The following ANGPT2 variants were observed in gnomAD, a reference collection of about 807,000 sequenced individuals.
ANGPT2 encodes angiopoietin 2, also known as angiopoietin-2.
ANGPT2 carries 28 observed loss-of-function variants against 62.9 expected under a neutral mutation model. The observed-to-expected ratio is 0.44, with a 90% CI of 0.33 to 0.61. The LOEUF (loss-of-function observed/expected upper bound fraction) is 0.61. ANGPT2 is among the 20% of genes least tolerant of loss of function. The pLI, the probability that ANGPT2 is intolerant of heterozygous loss-of-function variation, is 0.03. For missense variants in ANGPT2, 727 were observed against 594.9 expected (o/e 1.22, Z -2.31); for synonymous variants, 284 against 207.8 (o/e 1.37, Z -3.15).
At chr8:6,555,854 C>T (rs546089149) in intron 1 of ANGPT2, among the ~76,000 whole-genome samples, 107 of 152,320 alleles carry the variant, frequency 7.0e-4, no homozygotes, top group South Asian at 1.2e-3. Flanking sequence ...AATTTCTTAT[C>T]GTTCCTTTAC....
chr8:6,505,327 A>ATT (rs1253464973), intron 8 of ANGPT2, among the ~76,000 whole-genome samples: 1 of 56,846 alleles, frequency 1.8e-5, no homozygotes, highest in African/African-American at 9.8e-5. Context: ...TATGTTATAT[A>ATT]CATATAGAAA....
intron 2 of ANGPT2, 147 bp from the exon 3 acceptor site, chr8:6,527,823 C>T: frequency 2.6e-6 from 2 of 775,160 alleles, no homozygotes; most frequent in Non-Finnish European, 3.8e-6. Context: ...GCATATTTTT[C>T]ATTTTCAGAA....
chr8:6,500,903 T>G lies in ANGPT2; in HGVS notation c.*2198A>C, dbSNP rs752683795. ...GCCTACAAAGAGAATTGATATAAAT[T>G]GTGTTGTTGCCAGTTTTTCCTGCAT... On this transcript the variant is annotated 3_prime_UTR_variant, in exon 9 of 9. Transcript: ENST00000629816. 1.3e-5 allele frequency: 2 copies of G among 152,198 alleles called. No individual in the cohort carries two copies. The highest frequency in any genetic ancestry group is 2.9e-5 in the Non-Finnish European group (2 of 68,040). The allele number at this position is 152,198 out of a possible 1,614,324, so 9.4% of individuals were successfully genotyped here. A position where few individuals can be genotyped will look rare whatever the true frequency, so the allele number is the denominator to read the frequency against.
At chr8:6,556,721 C>G (rs1319104315) in intron 1 of ANGPT2, among the ~76,000 whole-genome samples, 1 of 152,042 alleles carries the variant, frequency 6.6e-6, no homozygotes, top group African/African-American at 2.4e-5. Flanking sequence ...TCAGGCAATC[C>G]TCCCACCTCA....
intron 1 of ANGPT2, among the ~76,000 whole-genome samples, chr8:6,547,209 A>G (rs1487242120): frequency 3.9e-5 from 6 of 152,044 alleles, no homozygotes; most frequent in African/African-American, 1.2e-4. Flanking sequence ...CCATTAGATT[A>G]TACAGAAAAG....
At chr8:6,535,219 C>G (rs1054136346) in intron 1 of ANGPT2, among the ~76,000 whole-genome samples, 2 of 152,196 alleles carry the variant, frequency 1.3e-5, no homozygotes, top group Non-Finnish European at 2.9e-5. Context: ...AATGAATCCT[C>G]TAATACTGCC....
In ANGPT2 at chr8:6,529,226, T is replaced by G. The variant is rs1868554; in HGVS notation, c.445-1550A>C. ...GACTGTAAATTACCCAGGCCAGGTATTGATCTCTCATTCCCTTTAAGATAT... is the reference window on the plus strand; with the variant it reads ...GACTGTAAATTACCCAGGCCAGGTAGTGATCTCTCATTCCCTTTAAGATAT... On this transcript the variant is annotated intron_variant, in intron 2 of 8. Transcript: ENST00000629816. Among the ~76,000 whole-genome samples, 8 of 152,078 alleles carry G rather than the reference T, an allele frequency of 5.3e-5. No homozygotes were observed. In the East Asian group the frequency reaches 1.5e-3, roughly 29 times the overall value.
At chr8:6,505,513 A>AAT (rs1360358891) in intron 8 of ANGPT2, among the ~76,000 whole-genome samples, 383 of 2,716 alleles carry the variant, frequency 0.14, 18 homozygotes, top group African/African-American at 0.25. Context: ...GTATATATAG[A>AAT]ATATATATTC....
At chr8:6,509,650 C>T (rs576927386) in intron 7 of ANGPT2, among the ~76,000 whole-genome samples, 5 of 152,198 alleles carry the variant, frequency 3.3e-5, no homozygotes, top group African/African-American at 7.2e-5. Context: ...AAGTTAGACA[C>T]TATTTACAAT....
intron 3 of ANGPT2, among the ~76,000 whole-genome samples, chr8:6,525,433 T>G (rs1165067738): frequency 3.3e-5 from 5 of 152,212 alleles, no homozygotes; most frequent in Non-Finnish European, 7.4e-5. Context: ...TCTCATTATA[T>G]TGCCCTGGCT....
At chr8:6,513,499 A>G (rs1266637501) in intron 7 of ANGPT2, among the ~76,000 whole-genome samples, 179 bp downstream of exon 7, 2 of 151,802 alleles carry the variant, frequency 1.3e-5, no homozygotes, top group East Asian at 3.9e-4. Flanking sequence ...CACCTGGCTA[A>G]TTTTTTTGTA....
chr8:6,549,140 C>T (rs989073278), intron 1 of ANGPT2, among the ~76,000 whole-genome samples: 4 of 152,142 alleles, frequency 2.6e-5, no homozygotes, highest in African/African-American at 7.2e-5. Context: ...TCAGAGATAG[C>T]AGTACAAGAA....
intron 1 of ANGPT2, among the ~76,000 whole-genome samples, chr8:6,562,410 G>GTAT (rs2129575879): frequency 6.6e-6 from 1 of 152,206 alleles, no homozygotes; most frequent in South Asian, 2.1e-4. Context: ...GAGATTTTCT[G>GTAT]TATTGACTCT....
At chr8:6,529,370 A>G (rs1230478459) in intron 2 of ANGPT2, among the ~76,000 whole-genome samples, 3 of 152,148 alleles carry the variant, frequency 2.0e-5, no homozygotes, top group African/African-American at 7.2e-5. Flanking sequence ...TCACAAAATC[A>G]GTAACTGCTC....
intron 8 of ANGPT2, among the ~76,000 whole-genome samples, chr8:6,506,738 A>G (rs1193225711): frequency 6.6e-6 from 1 of 151,410 alleles, no homozygotes; most frequent in Non-Finnish European, 1.5e-5. Context: ...GACCTGTGGT[A>G]CCAAATAGTA....
chr8:6,501,782 C>A lies in ANGPT2; in HGVS notation c.*1319G>T, dbSNP rs1180169195. On this transcript the variant is annotated 3_prime_UTR_variant, in exon 9 of 9. Coordinates refer to ENST00000629816, the MANE Select transcript of ANGPT2 (RefSeq NM_001118887.2). The stretch of plus-strand genomic sequence containing the variant: ...ATGTTGTCCAGGCTGGTCTTGAACT[C>A]CTGACCTCAGGTGATCTGCCCACCT... 1 of 152,002 alleles carries A rather than the reference C, an allele frequency of 6.6e-6. No individual in the cohort carries two copies. The highest frequency in any genetic ancestry group is 1.5e-5 in the Non-Finnish European group (1 of 68,032). The allele number at this position is 152,002 out of a possible 1,614,324, so 9.4% of individuals were successfully genotyped here.
intron 7 of ANGPT2, 61 bp downstream of exon 7, chr8:6,513,617 G>A: frequency 3.4e-6 from 5 of 1,482,200 alleles, no homozygotes; most frequent in African/African-American, 1.4e-5. Flanking sequence ...ACAGGCGTGA[G>A]CCACCGTGCC....
chr8:6,557,698 CA>C, intron 1 of ANGPT2, among the ~76,000 whole-genome samples: 1 of 151,504 alleles, frequency 6.6e-6, no homozygotes, highest in African/African-American at 2.4e-5. Flanking sequence ...TACACACACA[CA>C]CACACACACA....
intron 1 of ANGPT2, among the ~76,000 whole-genome samples, chr8:6,547,130 A>G (rs1287364795): frequency 2.6e-5 from 4 of 151,794 alleles, no homozygotes; most frequent in Admixed American, 6.6e-5. Context: ...CATGTGGCCT[A>G]TTTCTGCTTG....
Sources: allele counts gnomAD v4.1 joint callset (sites outside exome capture counted in the v4.1 genomes callset), GRCh38; gene constraint gnomAD v4.1.1; transcripts MANE v1.5; gene names NCBI Gene and HGNC (gene_info 2026-07-23, HGNC 2026-07-21).